The following TYW1B variants were observed in gnomAD, a reference collection of about 807,000 sequenced individuals.
TYW1B encodes S-adenosyl-L-methionine-dependent tRNA 4-demethylwyosine synthase TYW1B.
In TYW1B, 73 loss-of-function variants were observed where a neutral mutation model predicts 86.9. The ratio of observed to expected loss-of-function variants is 0.84; its 90% CI spans 0.70 to 1.02. The LOEUF is 1.02. TYW1B is among the 50% of genes least tolerant of loss of function. The pLI is 0.00. For missense variants in TYW1B, 637 were observed against 827.4 expected (o/e 0.77, Z 2.82); for synonymous variants, 248 against 292.8 (o/e 0.85, Z 1.56).
At chr7:72,601,150 A>T (rs1196083817) in intron 13 of TYW1B, among the ~76,000 whole-genome samples, 2 of 48,766 alleles carry the variant, frequency 4.1e-5, no homozygotes, top group African/African-American at 2.8e-4. Flanking sequence ...TCAAAATATA[A>T]AAAAAAAAAA....
chr7:72,741,831 G>A (rs1218543764), intron 8 of TYW1B, among the ~76,000 whole-genome samples: 1 of 152,160 alleles, frequency 6.6e-6, no homozygotes, highest in African/African-American at 2.4e-5. Flanking sequence ...GGCAGTGGGA[G>A]AGTACATTTA....
intron 11 of TYW1B, among the ~76,000 whole-genome samples, chr7:72,629,871 T>C (rs782026111): frequency 3.9e-5 from 6 of 151,908 alleles, no homozygotes; most frequent in African/African-American, 1.2e-4. Context: ...AATTAGACAA[T>C]AGGCATTAAA....
At chr7:72,818,744 A>G (rs1298396747) in intron 2 of TYW1B, among the ~76,000 whole-genome samples, 10 of 152,036 alleles carry the variant, frequency 6.6e-5, no homozygotes, top group Non-Finnish European at 1.5e-4. Flanking sequence ...GTGGAAGGCA[A>G]AGGAGGAGCA....
At chr7:72,713,834 G>A in intron 9 of TYW1B, 36 bp from the exon 10 acceptor site, 2 of 1,516,118 alleles carry the variant, frequency 1.3e-6, no homozygotes, top group East Asian at 2.3e-5. Flanking sequence ...AGCTACATAA[G>A]GCACAGATAG....
chr7:72,675,539 GTA>G (rs57288719), intron 11 of TYW1B, among the ~76,000 whole-genome samples: 11,880 of 144,466 alleles, frequency 0.082, 822 homozygotes, highest in East Asian at 0.32. Flanking sequence ...AGTGATGTCA[GTA>G]TATATATATA....
At chr7:72,642,423 CCCAG>C (rs1195497198) in intron 11 of TYW1B, among the ~76,000 whole-genome samples, 1 of 152,174 alleles carries the variant, frequency 6.6e-6, no homozygotes, top group Non-Finnish European at 1.5e-5. Flanking sequence ...TACTATATGA[CCCAG>C]TAATTTTACT....
intron 13 of TYW1B, among the ~76,000 whole-genome samples, chr7:72,605,511 G>A (rs1462093400): frequency 6.6e-6 from 1 of 151,980 alleles, no homozygotes; most frequent in Non-Finnish European, 1.5e-5. Context: ...GTGCCACCAC[G>A]CCTGGCTAAT....
At chr7:72,693,724 A>G (rs1232221711) in intron 11 of TYW1B, among the ~76,000 whole-genome samples, 1 of 152,114 alleles carries the variant, frequency 6.6e-6, no homozygotes. Flanking sequence ...GTGGTTACGT[A>G]CAGTCGGTCC....
rs369322767 is a variant in TYW1B, at chr7:72,640,093, AT to A, written c.1507-11097del. On this transcript the variant is annotated intron_variant, in intron 11 of 13. Transcript: ENST00000620995. The stretch of plus-strand genomic sequence containing the variant: ...CAACTAAAAGAACAATAATAAAAAA[AT>A]AAATATTAAAAACCAACAGAATGGA... 6.6e-5 allele frequency among the ~76,000 whole-genome samples: 10 copies of A among 152,236 alleles called. No individual in the cohort carries two copies. In the South Asian group the frequency reaches 1.9e-3, roughly 28 times the overall value.
At chr7:72,825,393 G>A (rs1290062725) in intron 2 of TYW1B, among the ~76,000 whole-genome samples, 1 of 152,186 alleles carries the variant, frequency 6.6e-6, no homozygotes, top group Non-Finnish European at 1.5e-5. Context: ...GATGTGTGAC[G>A]TGAGGCCAGG....
chr7:72,598,685 G>A (rs747290603), intron 13 of TYW1B, among the ~76,000 whole-genome samples: 2 of 152,192 alleles, frequency 1.3e-5, no homozygotes, highest in Non-Finnish European at 1.5e-5. Flanking sequence ...CTACTCAACT[G>A]GATCAAAGGG....
intron 10 of TYW1B, among the ~76,000 whole-genome samples, chr7:72,713,384 T>A (rs1554455201): frequency 6.7e-6 from 1 of 150,278 alleles, no homozygotes; most frequent in Non-Finnish European, 1.5e-5. Flanking sequence ...AAAAAAAAAA[T>A]TCATTCTCTT....
intron 10 of TYW1B, among the ~76,000 whole-genome samples, chr7:72,707,918 A>G (rs1486078809): frequency 6.6e-6 from 1 of 152,138 alleles, no homozygotes; most frequent in Admixed American, 6.6e-5. Context: ...TGGTTGTTTA[A>G]AAGTGTGCAA....
chr7:72,788,681 C>T (rs1283513601), intron 6 of TYW1B, among the ~76,000 whole-genome samples: 48 of 151,932 alleles, frequency 3.2e-4, no homozygotes, highest in African/African-American at 1.1e-3. Context: ...TACAGGCATG[C>T]GCCACCATAC....
chr7:72,742,523 T>C (rs1787323347), intron 8 of TYW1B, among the ~76,000 whole-genome samples: 3 of 152,202 alleles, frequency 2.0e-5, no homozygotes, highest in Admixed American at 6.5e-5. Flanking sequence ...TTAATGGGCA[T>C]ACAGTATATA....
At chr7:72,794,547 T>C (rs1400844308) in intron 6 of TYW1B, among the ~76,000 whole-genome samples, 1 of 151,166 alleles carries the variant, frequency 6.6e-6, no homozygotes, top group Non-Finnish European at 1.5e-5. Flanking sequence ...GACAGCGAGA[T>C]TCTGTCTCAA....
At chr7:72,739,332 G>A (rs1356702046) in intron 8 of TYW1B, among the ~76,000 whole-genome samples, 31 of 151,962 alleles carry the variant, frequency 2.0e-4, no homozygotes, top group Non-Finnish European at 4.3e-4. Flanking sequence ...GGGGTCAGGC[G>A]CAGTGGCTCA....
chr7:72,727,831 A>G lies in TYW1B; in HGVS notation c.1192+991T>C, dbSNP rs1176639125. Among the ~76,000 whole-genome samples the G allele has an allele frequency of 7.6e-3, 793 of 104,172 alleles. 10 individuals carry two copies. Among genetic ancestry groups the G allele is most frequent in the African/African-American group, 0.021 (627 of 30,022 alleles). The allele number at this position is 104,172 out of a possible 152,430, so 68.3% of individuals were successfully genotyped here. On this transcript the variant is annotated intron_variant, in intron 9 of 13. Coordinates refer to ENST00000620995, the MANE Select transcript of TYW1B (RefSeq NM_001145440.3). ...CGGTCCAAAAAAAAAAAAAAAAAAA[A>G]AAGAAGAAAGACAAAAAAGCATACT...
intron 11 of TYW1B, among the ~76,000 whole-genome samples, chr7:72,664,218 T>C (rs1813406106): frequency 6.6e-6 from 1 of 152,190 alleles, no homozygotes; most frequent in Admixed American, 6.6e-5. Context: ...GTAACAGGCA[T>C]CAATAATCTC....
Sources: gnomAD v4.1 joint callset for allele counts (sites outside exome capture counted in the v4.1 genomes callset) on GRCh38, gnomAD v4.1.1 for gene constraint, MANE v1.5 for transcripts, NCBI Gene and HGNC (gene_info 2026-07-23, HGNC 2026-07-21) for gene names.